Variants in DGCR2 observed in about 807,000 individuals in gnomAD.
DGCR2 encodes the protein integral membrane protein DGCR2/IDD.
Under a neutral mutation model 51.6 loss-of-function variants are expected in DGCR2, and 24 were observed. That is an observed-to-expected ratio of 0.47 (90% CI 0.34 to 0.65). The LOEUF is 0.65. DGCR2 is among the 30% of genes least tolerant of loss of function. The pLI, the probability that DGCR2 is intolerant of heterozygous loss-of-function variation, is 0.01. For synonymous variants in DGCR2, 340 were observed against 315.4 expected (o/e 1.08, Z -0.82); for missense variants, 765 against 772.1 (o/e 0.99, Z 0.11).
intron 2 of DGCR2, among the ~76,000 whole-genome samples, chr22:19,080,246 C>G (rs917684804): frequency 2.2e-4 from 34 of 152,184 alleles, no homozygotes; most frequent in African/African-American, 8.0e-4. Flanking sequence ...CTCTGTTGTA[C>G]CTGGTGTCAC....
intron 1 of DGCR2, among the ~76,000 whole-genome samples, chr22:19,096,887 A>C (rs1225313199): frequency 5.1e-5 from 7 of 137,560 alleles, no homozygotes; most frequent in African/African-American, 2.1e-4. Flanking sequence ...TCTATTAAAA[A>C]AAAAAACAAA....
chr22:19,068,261 C>A, intron 2 of DGCR2, 36 bp from the exon 3 acceptor site: 2 of 1,546,556 alleles, frequency 1.3e-6, no homozygotes, highest in South Asian at 1.2e-5. Context: ...GTGAGTCCTG[C>A]CTGTGCAGTC....
intron 2 of DGCR2, among the ~76,000 whole-genome samples, chr22:19,072,687 AC>A (rs1409107138): frequency 2.6e-5 from 4 of 152,140 alleles, no homozygotes; most frequent in Non-Finnish European, 5.9e-5. Flanking sequence ...ATCCTGGCCA[AC>A]ATGGTGAAAC....
chr22:19,093,115 C>T (rs921110223), intron 1 of DGCR2, among the ~76,000 whole-genome samples: 4 of 152,118 alleles, frequency 2.6e-5, no homozygotes, highest in East Asian at 3.9e-4. Context: ...AATCCCAGCA[C>T]TTTCGGAGCC....
At chr22:19,066,500 C>G (rs1054459539) in intron 3 of DGCR2, among the ~76,000 whole-genome samples, 1 of 152,234 alleles carries the variant, frequency 6.6e-6, no homozygotes, top group Admixed American at 6.5e-5. Context: ...GTTGCACATT[C>G]ATTGCGTGTT....
At chr22:19,062,800 C>CTT (rs2082692755) in intron 5 of DGCR2, among the ~76,000 whole-genome samples, 1 of 146,030 alleles carries the variant, frequency 6.8e-6, no homozygotes, top group South Asian at 2.2e-4. Context: ...CTCTCTCTCT[C>CTT]TCTCTCTATC....
At chr22:19,109,146 T>C (rs892434536) in intron 1 of DGCR2, among the ~76,000 whole-genome samples, 2 of 152,050 alleles carry the variant, frequency 1.3e-5, no homozygotes, top group Non-Finnish European at 2.9e-5. Flanking sequence ...AACAAACAAG[T>C]GTTGGCAATG....
chr22:19,069,143 C>T (rs910840552), intron 2 of DGCR2, among the ~76,000 whole-genome samples: 1 of 152,232 alleles, frequency 6.6e-6, no homozygotes, highest in Non-Finnish European at 1.5e-5. Context: ...GGGAAACAAA[C>T]TTGGTCTGCA....
intron 1 of DGCR2, among the ~76,000 whole-genome samples, chr22:19,109,039 GA>G (rs1204041885): frequency 4.1e-5 from 6 of 145,180 alleles, no homozygotes; most frequent in East Asian, 2.0e-4. Flanking sequence ...AAAAGGAAAA[GA>G]AAAAAAAAAC....
At chr22:19,089,565 A>G in intron 1 of DGCR2, 75 bp from the exon 2 acceptor site, 5 of 1,371,116 alleles carry the variant, frequency 3.6e-6, no homozygotes, top group Non-Finnish European at 4.8e-6. Context: ...GGGCTGGATC[A>G]ATCTCTTCCC....
At chr22:19,056,791 G>A (rs2082608420) in intron 6 of DGCR2, among the ~76,000 whole-genome samples, 195 bp downstream of exon 6, 1 of 152,018 alleles carries the variant, frequency 6.6e-6, no homozygotes, top group Non-Finnish European at 1.5e-5. Context: ...ATGCTTCCGT[G>A]GGCTCTAAGA....
At chr22:19,067,745 C>A (rs1416824172) in intron 3 of DGCR2, among the ~76,000 whole-genome samples, 1 of 152,080 alleles carries the variant, frequency 6.6e-6, no homozygotes. Flanking sequence ...GTCGAGCCTT[C>A]CCATTTTATT....
At chr22:19,076,177 G>A (rs2082873980) in intron 2 of DGCR2, among the ~76,000 whole-genome samples, 1 of 150,518 alleles carries the variant, frequency 6.6e-6, no homozygotes, top group African/African-American at 2.5e-5. Context: ...TATTTTTTGG[G>A]GGGGAAGGAG....
In DGCR2 at chr22:19,057,054, C is replaced by T. The variant is rs1258760439; in HGVS notation, c.734G>A (p.Arg245Gln). 2.5e-6 allele frequency: 4 copies of T among 1,599,058 alleles called. No individual in the cohort carries two copies. Among genetic ancestry groups the T allele is most frequent in the Non-Finnish European group, 3.4e-6 (4 of 1,173,008 alleles). The change falls in exon 6 of 10, where the codon CGG becomes CAG. Residue 245 changes from arginine to glutamine, a missense_variant. Coordinates refer to ENST00000263196, the MANE Select transcript of DGCR2 (RefSeq NM_005137.3). This position sits in a 1 kb window ranked among gnomAD's most constrained non-coding sequence, Gnocchi z 5.1. The stretch of plus-strand genomic sequence containing the variant: ...GTGCCAGCTGTGGAGGTCGTGGTGC[C>T]GCAGGGTGGGGAAATGGAAGCACTG... ...QLQCFHFPTL[R>Q]HHDLHSWHAE... is the part of the protein sequence containing the mutation.
intron 7 of DGCR2, among the ~76,000 whole-genome samples, chr22:19,042,661 G>T (rs1035214201): frequency 6.6e-6 from 1 of 152,200 alleles, no homozygotes; most frequent in South Asian, 2.1e-4. Flanking sequence ...AGGACCTGCC[G>T]CAGCAGAGAA....
At chr22:19,068,328 G>GT in intron 2 of DGCR2, 103 bp from the exon 3 acceptor site, 1 of 1,343,310 alleles carries the variant, frequency 7.4e-7, no homozygotes, top group South Asian at 1.8e-5. Flanking sequence ...CCGGAGGGGG[G>GT]GCCTGTAGCA....
intron 1 of DGCR2, among the ~76,000 whole-genome samples, chr22:19,090,236 C>T (rs12628668): frequency 6.6e-6 from 1 of 152,276 alleles, no homozygotes; most frequent in Non-Finnish European, 1.5e-5. Flanking sequence ...CTCACACACC[C>T]TAATACATGG....
rs2082555702 is a variant in DGCR2 at position 19,052,242 on chromosome 22, C to A, written c.803-3599G>T. On this transcript the variant is annotated intron_variant, in intron 6 of 9. Coordinates refer to ENST00000263196, the MANE Select transcript of DGCR2 (RefSeq NM_005137.3). ...GACCAGCCTGGTCAACATGGTGAAACCCATCTCTACTAAAAAGACAAAAAT... is the reference window on the plus strand; with the variant it reads ...GACCAGCCTGGTCAACATGGTGAAAACCATCTCTACTAAAAAGACAAAAAT... Among the ~76,000 whole-genome samples, 2 of 151,910 alleles carry A rather than the reference C, an allele frequency of 1.3e-5. 1 individual carries two copies. The highest frequency in any genetic ancestry group is 4.2e-4 in the South Asian group (2 of 4,816).
At chr22:19,041,373 C>CCAGG in intron 8 of DGCR2, 79 bp from the exon 9 acceptor site, 1 of 1,424,118 alleles carries the variant, frequency 7.0e-7, no homozygotes. Context: ...CCCCCCACCC[C>CCAGG]CAGGCTGGGC....
Sources: gnomAD v4.1 joint callset for allele counts (sites outside exome capture counted in the v4.1 genomes callset) on GRCh38, gnomAD v4.1.1 for gene constraint, Gnocchi (gnomAD v3.1) non-coding constraint, MANE v1.5 for transcripts, NCBI Gene and HGNC (gene_info 2026-07-23, HGNC 2026-07-21) for gene names.